The following AUTS2 variants were observed in gnomAD, a reference collection of about 807,000 sequenced individuals.
AUTS2 encodes autism susceptibility gene 2 protein.
In AUTS2, 17 loss-of-function variants were observed where a neutral mutation model predicts 112.4. The ratio of observed to expected loss-of-function variants is 0.15; its 90% CI spans 0.10 to 0.23. The LOEUF (loss-of-function observed/expected upper bound fraction) is 0.23. AUTS2 is among the 10% of genes least tolerant of loss of function. The probability of loss-of-function intolerance (pLI) is 1.00; values close to 1 mark genes in which losing one functional copy is unlikely to be tolerated. For missense variants in AUTS2, 1,510 were observed against 1,701.6 expected (o/e 0.89, Z 1.98); for synonymous variants, 751 against 702.7 (o/e 1.07, Z -1.09).
chr7:70,623,462 C>T (rs1158548423), intron 5 of AUTS2, among the ~76,000 whole-genome samples: 1 of 152,224 alleles, frequency 6.6e-6, no homozygotes, highest in Non-Finnish European at 1.5e-5. Context: ...GTGGCTATTT[C>T]AGCTTAATTT....
chr7:70,142,573 A>G (rs1186352834), intron 4 of AUTS2, among the ~76,000 whole-genome samples: 2 of 152,212 alleles, frequency 1.3e-5, no homozygotes, highest in Non-Finnish European at 2.9e-5. Flanking sequence ...ATTATGAACA[A>G]TAATGCAATT....
intron 5 of AUTS2, among the ~76,000 whole-genome samples, chr7:70,654,742 A>T (rs1385911387): frequency 6.6e-6 from 1 of 152,212 alleles, no homozygotes; most frequent in Non-Finnish European, 1.5e-5. Context: ...TTGATGAAGT[A>T]CCTTGTCTTC....
intron 5 of AUTS2, among the ~76,000 whole-genome samples, chr7:70,657,859 C>T (rs1806855694): frequency 6.6e-6 from 1 of 152,158 alleles, no homozygotes; most frequent in Non-Finnish European, 1.5e-5. Context: ...AACTTGAGAA[C>T]TTGATCCCCT....
chr7:70,679,007 C>CCCTCACACAAACCCTAAAT (rs1808070169), intron 5 of AUTS2, among the ~76,000 whole-genome samples: 1 of 152,130 alleles, frequency 6.6e-6, no homozygotes. Context: ...AGTTTCCTTT[C>CCCTCACACAAACCCTAAAT]CCTCACACAA....
At chr7:70,528,093 ATTTTT>A (rs10651355) in intron 5 of AUTS2, among the ~76,000 whole-genome samples, 1 of 97,276 alleles carries the variant, frequency 1.0e-5, no homozygotes, top group African/African-American at 4.5e-5. Context: ...AAATTTAAGG[ATTTTT>A]TTTTTTTTTT....
intron 2 of AUTS2, among the ~76,000 whole-genome samples, chr7:69,922,941 A>G (rs1354707514): frequency 1.3e-5 from 2 of 152,338 alleles, no homozygotes; most frequent in Middle Eastern, 3.4e-3. Flanking sequence ...AAAAGAAATG[A>G]AGTGAATTTT....
chr7:70,385,346 C>G (rs569414297), intron 4 of AUTS2, among the ~76,000 whole-genome samples: 1 of 152,176 alleles, frequency 6.6e-6, no homozygotes, highest in Non-Finnish European at 1.5e-5. Context: ...ACTTTTTTAT[C>G]TTCTTGATTT....
At chr7:70,285,563 A>G (rs748979623) in intron 4 of AUTS2, among the ~76,000 whole-genome samples, 8 of 152,202 alleles carry the variant, frequency 5.3e-5, no homozygotes, top group Non-Finnish European at 1.0e-4. Context: ...GTAAGCATCA[A>G]TCTTAGCACA....
chr7:70,036,053 A>AGG (rs1322272051), intron 2 of AUTS2, among the ~76,000 whole-genome samples: 1 of 152,232 alleles, frequency 6.6e-6, no homozygotes, highest in Non-Finnish European at 1.5e-5. Context: ...GAATGGGGGA[A>AGG]GGGGGGATCC....
intron 4 of AUTS2, among the ~76,000 whole-genome samples, chr7:70,346,926 C>T (rs1401522273): frequency 6.6e-6 from 1 of 152,158 alleles, no homozygotes; most frequent in Non-Finnish European, 1.5e-5. Flanking sequence ...CCACATGCCT[C>T]CCTTCTGGCC....
chr7:70,367,284 C>T (rs1049521881), intron 4 of AUTS2, among the ~76,000 whole-genome samples: 2 of 150,686 alleles, frequency 1.3e-5, no homozygotes, highest in Admixed American at 6.6e-5. Flanking sequence ...AGGCCAGGCA[C>T]GGTGGCTCAT....
intron 1 of AUTS2, among the ~76,000 whole-genome samples, chr7:69,843,624 T>C (rs1436102204): frequency 2.0e-5 from 3 of 152,200 alleles, no homozygotes; most frequent in Admixed American, 6.5e-5. Context: ...TCTGTGGTGG[T>C]TGATGGCTGA....
intron 3 of AUTS2, among the ~76,000 whole-genome samples, chr7:70,134,324 G>A (rs1483348273): frequency 6.6e-6 from 1 of 152,160 alleles, no homozygotes; most frequent in East Asian, 1.9e-4. Flanking sequence ...TCAGTAAATA[G>A]CACGTTAGCA....
chr7:70,111,009 G>C (rs1477960332), intron 2 of AUTS2, among the ~76,000 whole-genome samples: 1 of 151,572 alleles, frequency 6.6e-6, no homozygotes, highest in African/African-American at 2.4e-5. Flanking sequence ...CGAGTAGCTG[G>C]GACTACAGGT....
intron 2 of AUTS2, among the ~76,000 whole-genome samples, chr7:69,952,880 G>A (rs1271261643): frequency 3.3e-5 from 5 of 152,122 alleles, no homozygotes; most frequent in African/African-American, 7.2e-5. Flanking sequence ...CATACAGCAG[G>A]CCACAGATAG....
At chr7:70,178,654 G>C (rs1809133515) in intron 4 of AUTS2, among the ~76,000 whole-genome samples, 1 of 152,106 alleles carries the variant, frequency 6.6e-6, no homozygotes, top group African/African-American at 2.4e-5. Flanking sequence ...ACAAAAATTA[G>C]CTGGGCGTGG....
chr7:70,392,874 G>C (rs1793924672), intron 4 of AUTS2, among the ~76,000 whole-genome samples: 1 of 152,198 alleles, frequency 6.6e-6, no homozygotes, highest in Non-Finnish European at 1.5e-5. Flanking sequence ...TTTCTAGTGG[G>C]ATTAGAAAGG....
intron 2 of AUTS2, among the ~76,000 whole-genome samples, chr7:70,098,149 A>G (rs1161415809): frequency 1.3e-5 from 2 of 152,254 alleles, no homozygotes; most frequent in East Asian, 3.8e-4. Flanking sequence ...ATATGGCCTC[A>G]TAAAAAGCCT....
rs1266794556 is a variant in AUTS2, at chr7:70,790,122, C to T, written c.2906C>T (p.Pro969Leu). 2 of 1,601,336 alleles carry T rather than the reference C, an allele frequency of 1.2e-6. No homozygotes were observed. Among genetic ancestry groups the T allele is most frequent in the South Asian group, 1.1e-5 (1 of 89,516 alleles). Reference protein sequence around the residue: ...SREAEPRKGEPAYENPKKSSE... With the variant: ...SREAEPRKGELAYENPKKSSE... ...GAGGCCGAGCCGCGCAAGGGTGAGC[C>T]GGCCTACGAGAACCCCAAGAAGAGC... Residue 969 changes from proline to leucine, a missense_variant, in exon 19 of 19, where the codon CCG becomes CTG. Physicochemically the swap from Pro to Leu is moderately conservative, Grantham distance 98. Transcript: ENST00000342771. The surrounding 1 kb of genome is among the most constrained non-coding windows in gnomAD (Gnocchi z 7.6).
Sources: allele counts gnomAD v4.1 joint callset (sites outside exome capture counted in the v4.1 genomes callset), GRCh38; gene constraint gnomAD v4.1.1; non-coding constraint Gnocchi (gnomAD v3.1); transcripts MANE v1.5; gene names NCBI Gene and HGNC (gene_info 2026-07-23, HGNC 2026-07-21).